The following LYPD6 variants were observed in gnomAD, a reference collection of about 807,000 sequenced individuals.
LYPD6 encodes the protein ly6/PLAUR domain-containing protein 6.
LYPD6 carries 15 observed loss-of-function variants against 22.7 expected under a neutral mutation model. The observed-to-expected ratio is 0.66, with a 90% CI of 0.44 to 1.02. The LOEUF is 1.02. LYPD6 is among the 50% of genes least tolerant of loss of function. The probability of loss-of-function intolerance (pLI) is 0.00; values close to 1 mark genes in which losing one functional copy is unlikely to be tolerated. For missense variants in LYPD6, 189 were observed against 208.4 expected (o/e 0.91, Z 0.57); for synonymous variants, 72 against 77.5 (o/e 0.93, Z 0.37).
intron 1 of LYPD6, among the ~76,000 whole-genome samples, chr2:149,433,089 CAT>C (rs1417339905): frequency 6.6e-6 from 1 of 152,084 alleles, no homozygotes; most frequent in Non-Finnish European, 1.5e-5. Context: ...CTAGAAAAGA[CAT>C]ACTCTTTTTT....
intron 1 of LYPD6, among the ~76,000 whole-genome samples, chr2:149,433,065 A>T (rs1350077914): frequency 6.6e-6 from 1 of 152,228 alleles, no homozygotes; most frequent in Non-Finnish European, 1.5e-5. Context: ...TCCTTTTACT[A>T]ACTACACATA....
At chr2:149,399,230 AC>A (rs1246152211) in intron 1 of LYPD6, among the ~76,000 whole-genome samples, 1 of 152,222 alleles carries the variant, frequency 6.6e-6, no homozygotes, top group African/African-American at 2.4e-5. Context: ...TGAAACTGCA[AC>A]AGTGTTATTA....
At chr2:149,416,567 G>T (rs1303187094) in intron 1 of LYPD6, among the ~76,000 whole-genome samples, 1 of 152,162 alleles carries the variant, frequency 6.6e-6, no homozygotes, top group Non-Finnish European at 1.5e-5. Context: ...GTAGTTCAGT[G>T]GGACCCTTGC....
At chr2:149,378,562 G>A (rs931252674) in intron 1 of LYPD6, among the ~76,000 whole-genome samples, 6 of 152,174 alleles carry the variant, frequency 3.9e-5, no homozygotes, top group African/African-American at 1.4e-4. Context: ...TTATCTGTAA[G>A]GTGCTATGTG....
intron 1 of LYPD6, among the ~76,000 whole-genome samples, chr2:149,349,705 A>C (rs1410031638): frequency 6.6e-6 from 1 of 152,186 alleles, no homozygotes; most frequent in Non-Finnish European, 1.5e-5. Context: ...GCTGCCTTAT[A>C]TTTTGTAGTA....
At chr2:149,330,418 G>GACCAAT (rs1680908220), upstream of LYPD6, 2 of 150,462 alleles carry the variant, frequency 1.3e-5, no homozygotes, top group African/African-American at 4.9e-5. Flanking sequence ...GCGCGCGCCG[G>GACCAAT]GCCAATGAGC....
At chr2:149,405,614 T>C (rs1327107042) in intron 1 of LYPD6, among the ~76,000 whole-genome samples, 1 of 152,218 alleles carries the variant, frequency 6.6e-6, no homozygotes, top group Admixed American at 6.5e-5. Flanking sequence ...TCTATTTGAT[T>C]CTTCTCTGTT....
chr2:149,468,574 C>T (rs1458833043), intron 3 of LYPD6, 71 bp from the exon 4 acceptor site: 2 of 1,524,218 alleles, frequency 1.3e-6, no homozygotes, highest in African/African-American at 2.7e-5. Context: ...AATGCTGACA[C>T]TCCTGTTATT....
chr2:149,409,360 C>T (rs1381778546), intron 1 of LYPD6, among the ~76,000 whole-genome samples: 1 of 152,090 alleles, frequency 6.6e-6, no homozygotes, highest in Admixed American at 6.6e-5. Context: ...TTGTTTAGAG[C>T]ACTGATTTTG....
chr2:149,481,993 G>C, the LYPD6 span, among the ~76,000 whole-genome samples: 1 of 152,156 alleles, frequency 6.6e-6, no homozygotes, highest in African/African-American at 2.4e-5. Flanking sequence ...GTTCCCAGCT[G>C]TGGCTGCCCA....
chr2:149,416,783 C>T (rs1395309493), intron 1 of LYPD6, among the ~76,000 whole-genome samples: 1 of 152,178 alleles, frequency 6.6e-6, no homozygotes, highest in African/African-American at 2.4e-5. Flanking sequence ...TATGCTGCAT[C>T]CTGAAGGACA....
intron 1 of LYPD6, among the ~76,000 whole-genome samples, chr2:149,392,353 T>G (rs1175616202): frequency 6.6e-6 from 1 of 152,084 alleles, no homozygotes; most frequent in Non-Finnish European, 1.5e-5. Flanking sequence ...TCCAGGATGG[T>G]CAGGGCAAGT....
At chr2:149,439,094 C>T (rs1683499082) in intron 2 of LYPD6, among the ~76,000 whole-genome samples, 1 of 152,128 alleles carries the variant, frequency 6.6e-6, no homozygotes, top group East Asian at 1.9e-4. Flanking sequence ...CTATACCACA[C>T]CAGGCAATCA....
intron 1 of LYPD6, among the ~76,000 whole-genome samples, chr2:149,335,807 G>T (rs1385447969): frequency 6.6e-6 from 1 of 152,132 alleles, no homozygotes; most frequent in Admixed American, 6.5e-5. Context: ...TTACTATTGT[G>T]TTACAGTTGC....
chr2:149,434,816 T>TTACAG (rs1315414138), intron 1 of LYPD6, among the ~76,000 whole-genome samples: 1 of 152,130 alleles, frequency 6.6e-6, no homozygotes, highest in Non-Finnish European at 1.5e-5. Flanking sequence ...GGGAAGGAGT[T>TTACAG]TACAGTACTC....
chr2:149,389,580 G>A (rs2105096461), intron 1 of LYPD6, among the ~76,000 whole-genome samples: 1 of 152,284 alleles, frequency 6.6e-6, no homozygotes, highest in South Asian at 2.1e-4. Flanking sequence ...ACTGAATCCA[G>A]GGACGTTTTC....
intron 1 of LYPD6, among the ~76,000 whole-genome samples, chr2:149,393,638 ACT>A (rs1682363767): frequency 6.6e-6 from 1 of 152,056 alleles, no homozygotes; most frequent in African/African-American, 2.4e-5. Flanking sequence ...CAGGCTACTG[ACT>A]CTGTGGTGCA....
the LYPD6 span, among the ~76,000 whole-genome samples, chr2:149,483,126 C>G: frequency 1.3e-5 from 2 of 152,252 alleles, no homozygotes; most frequent in South Asian, 4.2e-4. Context: ...TGTCTGTGGA[C>G]CCCAGGGGAC....
At chr2:149,441,997 C>T (rs548757649) in intron 2 of LYPD6, among the ~76,000 whole-genome samples, 26 of 152,222 alleles carry the variant, frequency 1.7e-4, no homozygotes, top group Non-Finnish European at 3.1e-4. Context: ...GACTATACTA[C>T]GTAAGTCTTA....
Sources: allele counts gnomAD v4.1 joint callset (sites outside exome capture counted in the v4.1 genomes callset), GRCh38; gene constraint gnomAD v4.1.1; transcripts MANE v1.5; gene names NCBI Gene and HGNC (gene_info 2026-07-23, HGNC 2026-07-21).